The following RNGTT variants were observed in gnomAD, a reference collection of about 807,000 sequenced individuals.
RNGTT encodes mRNA-capping enzyme.
Under a neutral mutation model 79.3 loss-of-function variants are expected in RNGTT, and 33 were observed. The observed-to-expected ratio is 0.42, with a 90% CI of 0.32 to 0.56. The LOEUF (loss-of-function observed/expected upper bound fraction) is 0.56, where lower values mean the gene tolerates loss of function less well. RNGTT is among the 20% of genes least tolerant of loss of function. The pLI is 0.17. For missense variants in RNGTT, 497 were observed against 739.1 expected, an observed-to-expected ratio of 0.67 and a Z score of 3.80; for synonymous variants, 222 against 235.9, an observed-to-expected ratio of 0.94 and a Z score of 0.54.
rs568163592 is a variant in RNGTT at position 88,920,338 on chromosome 6, C to A, written c.367+8647G>T. On this transcript the variant is annotated intron_variant, in intron 4 of 15. Coordinates refer to ENST00000369485, the MANE Select transcript of RNGTT (RefSeq NM_003800.5). ...TCACCTCTAGGTATTACTTATAATACCTAATGCAATGTAAGTGCTATGTGA... is the reference window on the plus strand; with the variant it reads ...TCACCTCTAGGTATTACTTATAATAACTAATGCAATGTAAGTGCTATGTGA... 1.2e-4 allele frequency among the ~76,000 whole-genome samples: 19 copies of A among 152,142 alleles called. No individual in the cohort carries two copies. The South Asian group carries it at 3.7e-3, about 30-fold the overall frequency.
chr6:88,900,665 C>T (rs1485375761), intron 6 of RNGTT, among the ~76,000 whole-genome samples: 1 of 150,698 alleles, frequency 6.6e-6, no homozygotes, highest in Non-Finnish European at 1.5e-5. Context: ...ACCCAGGAGG[C>T]AGAGGTTGCA....
intron 12 of RNGTT, among the ~76,000 whole-genome samples, chr6:88,800,012 G>GTCCTCCTCCCTC (rs1273779157): frequency 6.6e-6 from 1 of 151,940 alleles, no homozygotes; most frequent in Non-Finnish European, 1.5e-5. Flanking sequence ...GCTCCTCCAT[G>GTCCTCCTCCCTC]TCCTCCTCCC....
chr6:88,733,727 T>C (rs752842787), intron 13 of RNGTT, among the ~76,000 whole-genome samples: 4 of 151,598 alleles, frequency 2.6e-5, no homozygotes, highest in Non-Finnish European at 5.9e-5. Flanking sequence ...CTCTCACCTA[T>C]AGAGGGTAAG....
intron 2 of RNGTT, among the ~76,000 whole-genome samples, chr6:88,935,903 TG>T (rs1784650822): frequency 6.6e-6 from 1 of 152,160 alleles, no homozygotes; most frequent in Admixed American, 6.6e-5. Flanking sequence ...TACTGATTTT[TG>T]TATGTTGATT....
intron 14 of RNGTT, among the ~76,000 whole-genome samples, chr6:88,659,704 A>G (rs1205644456): frequency 3.3e-5 from 5 of 152,194 alleles, no homozygotes; most frequent in Non-Finnish European, 7.3e-5. Flanking sequence ...GAAGAAGAGA[A>G]ATCTAGAAAT....
intron 13 of RNGTT, among the ~76,000 whole-genome samples, chr6:88,682,579 CT>C (rs1775131822): frequency 6.6e-6 from 1 of 151,932 alleles, no homozygotes; most frequent in African/African-American, 2.4e-5. Flanking sequence ...ATTTTTTTTC[CT>C]TTTTTTAAAA....
chr6:88,698,258 T>G (rs1182688187), intron 13 of RNGTT, among the ~76,000 whole-genome samples: 1 of 93,510 alleles, frequency 1.1e-5, no homozygotes, highest in East Asian at 2.5e-4. Context: ...AATATATATA[T>G]AAATATATAT....
intron 13 of RNGTT, among the ~76,000 whole-genome samples, chr6:88,761,016 A>AAC (rs1252503689): frequency 1.5e-4 from 14 of 94,354 alleles, no homozygotes; most frequent in South Asian, 7.2e-4. Flanking sequence ...AAGCAAAAGA[A>AAC]ATACACACAC....
At chr6:88,625,479 T>C (rs1282388242) in intron 14 of RNGTT, among the ~76,000 whole-genome samples, 1 of 152,018 alleles carries the variant, frequency 6.6e-6, no homozygotes, top group Non-Finnish European at 1.5e-5. Context: ...AGCTTGACTT[T>C]AAAAGCTATA....
At chr6:88,933,484 GTTTTT>G (rs796733229) in intron 2 of RNGTT, among the ~76,000 whole-genome samples, 2 of 146,506 alleles carry the variant, frequency 1.4e-5, no homozygotes, top group East Asian at 4.0e-4. Context: ...CATGAGATCA[GTTTTT>G]TTTTTTTAAG....
At chr6:88,906,273 C>A (rs983295539) in intron 5 of RNGTT, 92 bp downstream of exon 5, 2 of 747,170 alleles carry the variant, frequency 2.7e-6, no homozygotes, top group Non-Finnish European at 4.4e-6. Flanking sequence ...ATGAGTTCAC[C>A]AAAAACTTGA....
At chr6:88,675,911 AC>A (rs1357446082) in intron 14 of RNGTT, among the ~76,000 whole-genome samples, 1 of 152,202 alleles carries the variant, frequency 6.6e-6, no homozygotes, top group African/African-American at 2.4e-5. Flanking sequence ...TTGCTGGGAG[AC>A]CTAAATAACT....
intron 11 of RNGTT, among the ~76,000 whole-genome samples, chr6:88,844,096 T>C (rs761107110): frequency 5.9e-5 from 9 of 151,922 alleles, no homozygotes; most frequent in Admixed American, 2.0e-4. Context: ...TTAAAAAACG[T>C]AGTATGACCA....
chr6:88,891,927 A>T lies in RNGTT; in HGVS notation c.685-12T>A. On this transcript the variant is annotated splice_polypyrimidine_tract_variant and intron_variant, in intron 6 of 15. Coordinates refer to ENST00000369485, the MANE Select transcript of RNGTT (RefSeq NM_003800.5). Reference sequence around the variant, plus strand: ...AAGAAAATAGCGCCCTTTAAAAAAAAAATAAGAAAAATAAGGGAAAGAAAA... The same window carrying T: ...AAGAAAATAGCGCCCTTTAAAAAAATAATAAGAAAAATAAGGGAAAGAAAA... 6.8e-7 allele frequency: 1 copy of T among 1,478,748 alleles called. No homozygotes were observed. The highest frequency in any genetic ancestry group is 1.8e-4 in the Middle Eastern group (1 of 5,610). 91.6% of individuals were successfully genotyped at this position (1,478,748 alleles called of 1,614,324 possible).
chr6:88,772,439 A>G (rs9353606), intron 12 of RNGTT, among the ~76,000 whole-genome samples: 21,068 of 152,142 alleles, frequency 0.14, 1,597 homozygotes, highest in Middle Eastern at 0.24. Flanking sequence ...AAATTCAAGT[A>G]AAATTTCAAC....
rs1772044231 is a variant in RNGTT, at chr6:88,612,024, G to C, written c.*695C>G. On this transcript the variant is annotated 3_prime_UTR_variant, in exon 16 of 16. Coordinates refer to ENST00000369485, the MANE Select transcript of RNGTT (RefSeq NM_003800.5). ...AACCACTGCCAGAATGGACACACTG[G>C]ATATCTGATATCATAGTCGAAACAA... 6.6e-6 allele frequency: 1 copy of C among 152,462 alleles called. No homozygotes were observed. The highest frequency in any genetic ancestry group is 1.5e-5 in the Non-Finnish European group (1 of 68,042). The allele number at this position is 152,462 out of a possible 1,614,324, so 9.4% of individuals were successfully genotyped here. A position where few individuals can be genotyped will look rare whatever the true frequency, so the allele number is the denominator to read the frequency against.
chr6:88,946,652 C>T (rs948090418), intron 1 of RNGTT, among the ~76,000 whole-genome samples: 9 of 151,792 alleles, frequency 5.9e-5, no homozygotes, highest in African/African-American at 2.2e-4. Context: ...CCCTCTCCCT[C>T]TCCCTCTCTC....
At chr6:88,883,237 T>TA (rs2127929094) in intron 8 of RNGTT, among the ~76,000 whole-genome samples, 2 of 147,014 alleles carry the variant, frequency 1.4e-5, no homozygotes, top group African/African-American at 5.0e-5. Flanking sequence ...ATGCACTATA[T>TA]AAAACAGTTG....
chr6:88,669,421 G>C (rs1008123144), intron 14 of RNGTT, among the ~76,000 whole-genome samples: 10 of 152,180 alleles, frequency 6.6e-5, no homozygotes, highest in Non-Finnish European at 1.5e-4. Context: ...GGCCCACACT[G>C]GTAACTTTTG....
Sources: allele counts gnomAD v4.1 joint callset (sites outside exome capture counted in the v4.1 genomes callset), GRCh38; gene constraint gnomAD v4.1.1; transcripts MANE v1.5; gene names NCBI Gene and HGNC (gene_info 2026-07-23, HGNC 2026-07-21).